Variants in OPCML observed in about 807,000 individuals in gnomAD.
OPCML encodes the protein opioid binding protein/cell adhesion molecule like, also known as opioid-binding protein/cell adhesion molecule.
In OPCML, 13 loss-of-function variants were observed where a neutral mutation model predicts 37.8. That is an observed-to-expected ratio of 0.34 (90% confidence interval 0.22 to 0.55). The LOEUF is 0.55. Ranked by LOEUF, OPCML falls within the 20% of genes least tolerant of loss-of-function variation. The pLI is 0.91. For synonymous variants in OPCML, 176 were observed against 168.8 expected, an observed-to-expected ratio of 1.04 and a Z score of -0.33; for missense variants, 341 against 435.6, an observed-to-expected ratio of 0.78 and a Z score of 1.93.
intron 2 of OPCML, among the ~76,000 whole-genome samples, chr11:132,782,182 A>C (rs1356822179): frequency 1.3e-5 from 2 of 151,902 alleles, no homozygotes; most frequent in African/African-American, 4.8e-5. Context: ...TTTAATAAAA[A>C]GATGTGAATG....
At chr11:133,473,219 C>T (rs1258038375) in intron 1 of OPCML, among the ~76,000 whole-genome samples, 7 of 152,162 alleles carry the variant, frequency 4.6e-5, no homozygotes, top group Admixed American at 4.6e-4. Context: ...TAGCAGGAAA[C>T]AGCACAGAAA....
chr11:132,816,848 C>T (rs1437545989), intron 2 of OPCML, among the ~76,000 whole-genome samples: 1 of 151,996 alleles, frequency 6.6e-6, no homozygotes, highest in African/African-American at 2.4e-5. Context: ...AGGGTATAGT[C>T]GACAAATAAA....
chr11:132,537,342 G>T (rs1188219475), intron 3 of OPCML, among the ~76,000 whole-genome samples: 4 of 152,204 alleles, frequency 2.6e-5, no homozygotes, highest in Non-Finnish European at 4.4e-5. Context: ...GGAATGAATA[G>T]TGTTTTCAAT....
chr11:133,465,025 G>A (rs1176056127), intron 1 of OPCML, among the ~76,000 whole-genome samples: 2 of 152,156 alleles, frequency 1.3e-5, no homozygotes, highest in African/African-American at 4.8e-5. Flanking sequence ...ATTACCTGTG[G>A]TTGCTGTGCC....
intron 1 of OPCML, among the ~76,000 whole-genome samples, chr11:133,204,875 T>TATAC (rs1938973256): frequency 6.0e-5 from 1 of 16,672 alleles, no homozygotes; most frequent in Non-Finnish European, 1.3e-4. Flanking sequence ...TGTGTATATA[T>TATAC]ATATATATAT....
chr11:132,423,395 A>G (rs1358938471), intron 7 of OPCML, among the ~76,000 whole-genome samples: 1 of 152,230 alleles, frequency 6.6e-6, no homozygotes, highest in African/African-American at 2.4e-5. Flanking sequence ...TGAAGCTAGC[A>G]TCACTTTCCT....
intron 1 of OPCML, among the ~76,000 whole-genome samples, chr11:133,284,476 C>T (rs1228559514): frequency 6.6e-6 from 1 of 152,208 alleles, no homozygotes; most frequent in Admixed American, 6.5e-5. Flanking sequence ...AAAAAACGAC[C>T]TGCCTTCTTC....
chr11:133,195,777 G>T (rs1383939010), intron 1 of OPCML, among the ~76,000 whole-genome samples: 1 of 152,118 alleles, frequency 6.6e-6, no homozygotes, highest in African/African-American at 2.4e-5. Context: ...GGACACATTT[G>T]TCTTCTTCAT....
At chr11:132,932,078 T>C (rs1168517962) in intron 2 of OPCML, among the ~76,000 whole-genome samples, 2 of 152,002 alleles carry the variant, frequency 1.3e-5, no homozygotes, top group Admixed American at 6.6e-5. Flanking sequence ...GGTCAAAACA[T>C]AGAGACAGAA....
chr11:132,730,974 T>A (rs1945056814), intron 2 of OPCML, among the ~76,000 whole-genome samples: 1 of 152,154 alleles, frequency 6.6e-6, no homozygotes, highest in Non-Finnish European at 1.5e-5. Flanking sequence ...AAGAAAAAGG[T>A]ATGTTTTTTC....
At chr11:132,905,155 G>A (rs1028391173) in intron 2 of OPCML, among the ~76,000 whole-genome samples, 4 of 151,450 alleles carry the variant, frequency 2.6e-5, no homozygotes, top group Non-Finnish European at 5.9e-5. Flanking sequence ...ATGAGGCTCA[G>A]CTGTGTTATA....
At chr11:133,062,743 T>C (rs1948370846) in intron 1 of OPCML, among the ~76,000 whole-genome samples, 1 of 152,240 alleles carries the variant, frequency 6.6e-6, no homozygotes, top group South Asian at 2.1e-4. Flanking sequence ...CTGTTCCAGC[T>C]GGGGTTTAGG....
chr11:133,419,578 G>A (rs1028828983), intron 1 of OPCML, among the ~76,000 whole-genome samples: 2 of 152,048 alleles, frequency 1.3e-5, no homozygotes, highest in African/African-American at 4.8e-5. Context: ...TCTCTATATG[G>A]TGAAAACACT....
intron 1 of OPCML, among the ~76,000 whole-genome samples, chr11:132,966,018 TTAC>T (rs1946206809): frequency 6.6e-6 from 1 of 152,066 alleles, no homozygotes; most frequent in Non-Finnish European, 1.5e-5. Context: ...TTTATTTTCT[TTAC>T]TATTTTTATT....
In OPCML at chr11:133,421,383, A is replaced by G. The variant is rs2136894639; in HGVS notation, c.61+110881T>C. 8.1e-6 allele frequency: 8 copies of G among 985,444 alleles called. No individual in the cohort carries two copies. In the South Asian group the frequency reaches 3.8e-4, roughly 46 times the overall value. The allele number at this position is 985,444 out of a possible 1,614,324, so 61.0% of individuals were successfully genotyped here. On this transcript the variant is annotated intron_variant, in intron 1 of 7. Transcript: ENST00000524381. The stretch of plus-strand genomic sequence containing the variant: ...AGATGGAGAACAGGGTGTCACTCGG[A>G]GACCAGAAGAAGAGAAATCAGGCAT...
At chr11:132,597,988 T>A (rs1374630813) in intron 3 of OPCML, among the ~76,000 whole-genome samples, 2 of 152,190 alleles carry the variant, frequency 1.3e-5, no homozygotes, top group Non-Finnish European at 2.9e-5. Flanking sequence ...CTCATTTCTT[T>A]TTTTTTCAAG....
chr11:132,482,194 G>T (rs1247081976), intron 4 of OPCML, among the ~76,000 whole-genome samples: 1 of 151,404 alleles, frequency 6.6e-6, no homozygotes, highest in Non-Finnish European at 1.5e-5. Flanking sequence ...AAGAAAAAAA[G>T]AGAGAAGAAT....
chr11:133,372,684 T>C (rs1944699480), intron 1 of OPCML, among the ~76,000 whole-genome samples: 1 of 152,244 alleles, frequency 6.6e-6, no homozygotes, highest in Admixed American at 6.5e-5. Context: ...ATTATCATTA[T>C]ATTAGGTTAA....
At chr11:133,264,013 C>T (rs1022404927) in intron 1 of OPCML, among the ~76,000 whole-genome samples, 1 of 152,092 alleles carries the variant, frequency 6.6e-6, no homozygotes, top group African/African-American at 2.4e-5. Context: ...ATCTTTTGTT[C>T]TTATCTTTCT....
Sources: allele counts gnomAD v4.1 joint callset (sites outside exome capture counted in the v4.1 genomes callset), GRCh38; gene constraint gnomAD v4.1.1; transcripts MANE v1.5; gene names NCBI Gene and HGNC (gene_info 2026-07-23, HGNC 2026-07-21).